EIF2B1: variants seen among roughly 807,000 people sequenced by gnomAD.
The protein encoded by EIF2B1 is translation initiation factor eIF2B subunit alpha.
In EIF2B1, 30 loss-of-function variants were observed where a neutral mutation model predicts 36.8. The ratio of observed to expected loss-of-function variants is 0.81; its 90% CI spans 0.61 to 1.10. The LOEUF is 1.10. Among genes scored for constraint, EIF2B1 ranks in the 50% least tolerant of loss-of-function variants. The pLI, the probability that EIF2B1 is intolerant of heterozygous loss-of-function variation, is 0.00. For missense variants in EIF2B1, 271 were observed against 374.8 expected, an observed-to-expected ratio of 0.72 and a Z score of 2.29; for synonymous variants, 139 against 142.2, an observed-to-expected ratio of 0.98 and a Z score of 0.16.
chr12:123,630,389 G>C lies in EIF2B1; in HGVS notation c.252+8C>G. The C allele has an allele frequency of 6.2e-7, 1 of 1,614,158 alleles. No homozygotes were observed. Among genetic ancestry groups the C allele is most frequent in the Non-Finnish European group, 8.5e-7 (1 of 1,180,026 alleles). On this transcript the variant is annotated splice_region_variant and intron_variant, in intron 3 of 8. Transcript: ENST00000424014. The surrounding 1 kb of genome is among the most constrained non-coding windows in gnomAD (Gnocchi z 4.6). ...GGAAAGGTAACCCCAGGGAGAACAG[G>C]CACTTACGGAGTATTCCAGGGAGGC...
At chr12:123,632,945 C>CAAAAA (rs4040224) in intron 1 of EIF2B1, among the ~76,000 whole-genome samples, 3 of 75,128 alleles carry the variant, frequency 4.0e-5, no homozygotes, top group African/African-American at 1.8e-4. Flanking sequence ...GACTCCGTCT[C>CAAAAA]AAAAAAAAAA....
Position 123,630,150 on chromosome 12 carries a change from A to G in EIF2B1, c.369+19T>C, listed in dbSNP as rs1278419755. On this transcript the variant is annotated intron_variant, in intron 4 of 8. Transcript: ENST00000424014. The surrounding 1 kb of genome is among the most constrained non-coding windows in gnomAD (Gnocchi z 4.6). Reference sequence around the variant, plus strand: ...GAAACCGTTGCTCCTCCTTACCACCATGATGATTATCCACTCACCGCTCCA... The same window carrying G: ...GAAACCGTTGCTCCTCCTTACCACCGTGATGATTATCCACTCACCGCTCCA... 6.2e-7 allele frequency: 1 copy of G among 1,609,108 alleles called. No homozygotes were observed. Among genetic ancestry groups the G allele is most frequent in the East Asian group, 2.2e-5 (1 of 44,856 alleles).
In EIF2B1 at chr12:123,624,835, G is replaced by T; in HGVS notation, c.579C>A (p.Val193=). 1 of 1,613,932 alleles carries T rather than the reference G, an allele frequency of 6.2e-7. No homozygotes were observed. Among genetic ancestry groups the T allele is most frequent in the South Asian group, 1.1e-5 (1 of 91,060 alleles). The change falls in exon 7 of 9, where the codon GTC becomes GTA. Residue 193 remains valine (V), a synonymous_variant. Coordinates refer to ENST00000424014, the MANE Select transcript of EIF2B1 (RefSeq NM_001414.4). ...CAACAACTCCTTCAGCACCAACTATGACAAGATCTGCTTTCTCCATGATGT... is the reference window on the plus strand; with the variant it reads ...CAACAACTCCTTCAGCACCAACTATTACAAGATCTGCTTTCTCCATGATGT... The part of the protein sequence containing the change: ...VGYIMEKADL[V]IVGAEGVVEN...
In EIF2B1 at chr12:123,628,158, C is replaced by T. The variant is rs367833218; in HGVS notation, c.370-1002G>A. Among the ~76,000 whole-genome samples, 60 of 152,058 alleles carry T rather than the reference C, an allele frequency of 3.9e-4. No individual in the cohort carries two copies. The East Asian group carries it at 5.4e-3, about 14-fold the overall frequency. ...GTAGCCTCGACATCCTGGGCTCAAA[C>T]GATCCTCCCACCTCAGCCACCCCAG... On this transcript the variant is annotated intron_variant, in intron 4 of 8. Transcript: ENST00000424014.
At chr12:123,632,528 T>A in intron 1 of EIF2B1, 82 bp from the exon 2 acceptor site, 1 of 951,664 alleles carries the variant, frequency 1.1e-6, no homozygotes, top group Non-Finnish European at 1.7e-6. Flanking sequence ...CTGTTGACTT[T>A]AAGAAGCAAA....
exon 1 of EIF2B1, chr12:123,633,676 ACTTCCGGCGCACTTCCGTACCCCT>A (rs1166431522): frequency 6.6e-5 from 100 of 1,516,612 alleles, no homozygotes; most frequent in East Asian, 2.7e-4. Flanking sequence ...TCCGCACCCC[ACTTCCGGCGCACTTCCGTACCCCT>A]CTTCCGGCGC....
intron 6 of EIF2B1, chr12:123,626,193 A>T (rs1955147279): frequency 1.8e-6 from 1 of 566,742 alleles, no homozygotes. Flanking sequence ...ACTTACAGCC[A>T]TAAAGCTATA....
intron 2 of EIF2B1, among the ~76,000 whole-genome samples, chr12:123,631,251 T>A (rs1187769880): frequency 1.3e-5 from 2 of 152,182 alleles, no homozygotes; most frequent in Non-Finnish European, 2.9e-5. Context: ...ATCCTTTTCA[T>A]GACAACGTAA....
At position 123,620,620 on chromosome 12, in the gene EIF2B1, ATATATAT is replaced by A. The variant is rs571625500; in HGVS notation, c.*1129_*1135del. ...TATATATATATATATATATATATAT[ATATATAT>A]AAGCTCTTTTTTCTGAGGCTATTTT... On this transcript the variant is annotated 3_prime_UTR_variant, in exon 9 of 9. Transcript: ENST00000424014. The A allele has an allele frequency of 1.4e-3, 136 of 96,656 alleles. No individual in the cohort carries two copies. The highest frequency in any genetic ancestry group is 1.9e-3 in the Non-Finnish European group (86 of 44,966). 6.0% of individuals were successfully genotyped at this position (96,656 alleles called of 1,614,324 possible).
intron 4 of EIF2B1, among the ~76,000 whole-genome samples, chr12:123,629,044 C>G (rs1389645473): frequency 6.6e-6 from 1 of 152,128 alleles, no homozygotes; most frequent in Non-Finnish European, 1.5e-5. Context: ...CCAAAAAAGG[C>G]TTCGTTTGCA....
chr12:123,633,551 C>T lies in EIF2B1; in HGVS notation c.7G>A (p.Asp3Asn). 1 of 1,612,796 alleles carries T rather than the reference C, an allele frequency of 6.2e-7. No homozygotes were observed. Among genetic ancestry groups the T allele is most frequent in the Non-Finnish European group, 8.5e-7 (1 of 1,180,016 alleles). MD[D>N]KELIEYFKSQ... is the part of the protein sequence containing the mutation. Reference sequence around the variant, plus strand: ...CTGGCCTGTCTTGATTTACCCTTGTCGTCCATGGCGTCCTCCTGCTGCGGA... The same window carrying T: ...CTGGCCTGTCTTGATTTACCCTTGTTGTCCATGGCGTCCTCCTGCTGCGGA... Residue 3 changes from aspartate (D) to asparagine (N), a missense_variant, in exon 1 of 9, where the codon GAC becomes AAC. By Grantham distance (23) the Asp-to-Asn change is conservative. Transcript: ENST00000424014.
rs769746532 is a variant in EIF2B1, at chr12:123,630,499, G to C, written c.150C>G (p.Thr50=). ...CACCACACAGGGTTTCTATGGCACT[G>C]GTGAGATTCGCCCTCAGACCCTGGA... ...ETIQGLRANL[T]SAIETLCGVD... Residue 50 remains threonine (T), a synonymous_variant, in exon 3 of 9, where the codon ACC becomes ACG. Transcript: ENST00000424014. The surrounding 1 kb of genome is among the most constrained non-coding windows in gnomAD (Gnocchi z 4.6). 47 of 1,613,434 alleles carry C rather than the reference G, an allele frequency of 2.9e-5. No individual in the cohort carries two copies. The Admixed American group carries it at 3.7e-4, about 13-fold the overall frequency.
chr12:123,632,110 AC>A (rs1278023179), intron 2 of EIF2B1, among the ~76,000 whole-genome samples: 2 of 151,772 alleles, frequency 1.3e-5, no homozygotes, highest in East Asian at 3.9e-4. Flanking sequence ...TCTCTAAAAT[AC>A]AAAAAAATTA....
Position 123,620,591 on chromosome 12 carries a change from TA to T in EIF2B1, c.*1164del, listed in dbSNP as rs1955060120. 1.6e-5 allele frequency: 1 copy of T among 61,102 alleles called. No homozygotes were observed. The highest frequency in any genetic ancestry group is 3.8e-4 in the East Asian group (1 of 2,610). 3.8% of individuals were successfully genotyped at this position (61,102 alleles called of 1,614,324 possible). A position where few individuals can be genotyped will look rare whatever the true frequency, so the allele number is the denominator to read the frequency against. Reference sequence around the variant, plus strand: ...GACATATGTACATATTATATATATATATATATATATATATATATATATATAT... The same window carrying T: ...GACATATGTACATATTATATATATATTATATATATATATATATATATATAT... On this transcript the variant is annotated 3_prime_UTR_variant, in exon 9 of 9. Coordinates refer to ENST00000424014, the MANE Select transcript of EIF2B1 (RefSeq NM_001414.4).
At chr12:123,629,712 G>C (rs1046638868) in intron 4 of EIF2B1, among the ~76,000 whole-genome samples, 3 of 152,178 alleles carry the variant, frequency 2.0e-5, no homozygotes, top group Non-Finnish European at 4.4e-5. Flanking sequence ...AGAATGGTGT[G>C]AACCCAGGAG....
At position 123,620,959 on chromosome 12, in the gene EIF2B1, T is replaced by C. The variant is rs1775685348; in HGVS notation, c.*797A>G. The C allele has an allele frequency of 6.6e-6, 1 of 152,472 alleles. No homozygotes were observed. The highest frequency in any genetic ancestry group is 2.4e-5 in the African/African-American group (1 of 41,534). The allele number at this position is 152,472 out of a possible 1,614,324, so 9.4% of individuals were successfully genotyped here. A position where few individuals can be genotyped will look rare whatever the true frequency, so the allele number is the denominator to read the frequency against. ...ATTGCCTGGGTCTTAAGTGTGTAAA[T>C]GTAGCTGGACAGTGTTTTCCCCTAG... is the stretch of plus-strand genomic sequence containing the variant. On this transcript the variant is annotated 3_prime_UTR_variant, in exon 9 of 9. Transcript: ENST00000424014.
At chr12:123,622,059 G>C in intron 8 of EIF2B1, 139 bp from the exon 9 acceptor site, 1 of 1,226,158 alleles carries the variant, frequency 8.2e-7, no homozygotes. Flanking sequence ...CAGGACACTA[G>C]AGACGAGGGC....
intron 8 of EIF2B1, 99 bp from the exon 9 acceptor site, chr12:123,622,019 C>T: frequency 6.6e-7 from 1 of 1,510,606 alleles, no homozygotes; most frequent in Non-Finnish European, 9.0e-7. Context: ...CCTGAGACTG[C>T]TCTCTGAAAA....
At chr12:123,622,064 G>A (rs1214691711) in intron 8 of EIF2B1, 144 bp from the exon 9 acceptor site, 6 of 1,197,498 alleles carry the variant, frequency 5.0e-6, no homozygotes, top group African/African-American at 4.5e-5. Context: ...CACTAGAGAC[G>A]AGGGCAGAGT....
Sources: allele counts gnomAD v4.1 joint callset (sites outside exome capture counted in the v4.1 genomes callset), GRCh38; gene constraint gnomAD v4.1.1; non-coding constraint Gnocchi (gnomAD v3.1); transcripts MANE v1.5; gene names NCBI Gene and HGNC (gene_info 2026-07-23, HGNC 2026-07-21).